Variants in CREG1 observed in about 807,000 individuals in gnomAD.
CREG1 encodes protein CREG1.
In CREG1, 20 loss-of-function variants were observed where a neutral mutation model predicts 19.9. The observed-to-expected ratio is 1.01, with a 90% confidence interval of 0.71 to 1.46. CREG1 has a LOEUF of 1.46. Among genes scored for constraint, CREG1 ranks in the 40% most tolerant of loss-of-function variants. CREG1 has a pLI of 0.00. For missense variants in CREG1, 290 were observed against 314.9 expected, an observed-to-expected ratio of 0.92 and a Z score of 0.60; for synonymous variants, 141 against 143.3, an observed-to-expected ratio of 0.98 and a Z score of 0.12.
At chr1:167,545,825 T>C (rs994482893) in intron 3 of CREG1, among the ~76,000 whole-genome samples, 1 of 151,970 alleles carries the variant, frequency 6.6e-6, no homozygotes, top group Non-Finnish European at 1.5e-5. Context: ...GAAAAAGTAA[T>C]AGACTTATTA....
Position 167,550,508 on chromosome 1 carries a change from G to A in CREG1, c.355-2387C>T, listed in dbSNP as rs558313698. 1.2e-3 allele frequency among the ~76,000 whole-genome samples: 179 copies of A among 152,268 alleles called. 2 individuals carry two copies. Among genetic ancestry groups the A allele is most frequent in the African/African-American group, 3.9e-3 (164 of 41,554 alleles). On this transcript the variant is annotated intron_variant, in intron 1 of 3. Coordinates refer to ENST00000370509, the MANE Select transcript of CREG1 (RefSeq NM_003851.3). The stretch of plus-strand genomic sequence containing the variant: ...AGCTTAAGGATGAGGTGGCAGGAAT[G>A]AAGAGGAAGGGGCAAGGACAGAGGT...
intron 3 of CREG1, among the ~76,000 whole-genome samples, chr1:167,544,598 T>A (rs777568069): frequency 6.6e-5 from 10 of 152,048 alleles, no homozygotes; most frequent in Non-Finnish European, 1.5e-4. Flanking sequence ...AAGTACAGCA[T>A]CATGGATAGA....
chr1:167,552,314 T>C lies in CREG1; in HGVS notation c.354+1074A>G, dbSNP rs1259201759. Among the ~76,000 whole-genome samples, 8 of 152,352 alleles carry C rather than the reference T, an allele frequency of 5.3e-5. No homozygotes were observed. The East Asian group carries it at 1.5e-3, about 29-fold the overall frequency. On this transcript the variant is annotated intron_variant, in intron 1 of 3. Transcript: ENST00000370509. ...ATTAATCAAGCATCAGTTTCTTGCA[T>C]CCTGTCTTTATCAACAATGTTGTAC...
At chr1:167,551,785 G>T (rs767577134) in intron 1 of CREG1, among the ~76,000 whole-genome samples, 2 of 152,170 alleles carry the variant, frequency 1.3e-5, no homozygotes. Context: ...TGCAGTCAAA[G>T]TTGAGCACCA....
chr1:167,546,633 C>T (rs1006881443), intron 2 of CREG1, among the ~76,000 whole-genome samples: 3 of 151,526 alleles, frequency 2.0e-5, no homozygotes, highest in South Asian at 2.1e-4. Flanking sequence ...CAGAGCAAGA[C>T]TCCATCTCAA....
intron 3 of CREG1, among the ~76,000 whole-genome samples, chr1:167,544,829 T>G (rs776143822): frequency 7.2e-4 from 109 of 152,328 alleles, no homozygotes; most frequent in Non-Finnish European, 1.2e-3. Context: ...GTAGCCAGTA[T>G]AGCACCCAGC....
At chr1:167,553,337 G>T in intron 1 of CREG1, 51 bp downstream of exon 1, 1 of 1,286,960 alleles carries the variant, frequency 7.8e-7, no homozygotes, top group East Asian at 3.1e-5. Flanking sequence ...GGCTCGCTCT[G>T]TGGCCGCCCC....
Position 167,546,103 on chromosome 1 carries a change from A to C in CREG1, c.657T>G (p.Val219=), listed in dbSNP as rs1656316580. 1 of 1,598,212 alleles carries C rather than the reference A, an allele frequency of 6.3e-7. No individual in the cohort carries two copies. Among genetic ancestry groups the C allele is most frequent in the East Asian group, 2.2e-5 (1 of 44,526 alleles). The part of the protein sequence containing the change: ...VTPEEYYNVT[V]Q ...GTGAAAGATGTGTAAGTACTTACTGAACTGTGACATTATAATATTCTTCTG... is the reference window on the plus strand; with the variant it reads ...GTGAAAGATGTGTAAGTACTTACTGCACTGTGACATTATAATATTCTTCTG... Residue 219 remains valine (V), a splice_region_variant and synonymous_variant, in exon 3 of 4, where the codon GTT becomes GTG. Transcript: ENST00000370509.
Position 167,546,300 on chromosome 1 carries a change from T to C in CREG1, c.475-15A>G. 3 of 1,513,156 alleles carry C rather than the reference T, an allele frequency of 2.0e-6. No homozygotes were observed. The highest frequency in any genetic ancestry group is 2.7e-6 in the Non-Finnish European group (3 of 1,108,784). The allele number at this position is 1,513,156 out of a possible 1,614,324, so 93.7% of individuals were successfully genotyped here. A position where few individuals can be genotyped will look rare whatever the true frequency, so the allele number is the denominator to read the frequency against. On this transcript the variant is annotated splice_polypyrimidine_tract_variant and intron_variant, in intron 2 of 3. Coordinates refer to ENST00000370509, the MANE Select transcript of CREG1 (RefSeq NM_003851.3). ...GTTTCATTCACCTAAAGGACATATA[T>C]GAAATAAACATTCTTATGGCAGTAA...
chr1:167,546,442 G>C (rs1656326896), intron 2 of CREG1, among the ~76,000 whole-genome samples, 157 bp from the exon 3 acceptor site: 1 of 152,028 alleles, frequency 6.6e-6, no homozygotes, highest in Non-Finnish European at 1.5e-5. Flanking sequence ...AGGAGACTCA[G>C]ACCATCTTGG....
At chr1:167,549,088 C>A (rs1397414412) in intron 1 of CREG1, among the ~76,000 whole-genome samples, 1 of 152,062 alleles carries the variant, frequency 6.6e-6, no homozygotes, top group Non-Finnish European at 1.5e-5. Flanking sequence ...GGTGGGAGGA[C>A]ATATTAAAGG....
chr1:167,543,048 C>A (rs1480858685), intron 3 of CREG1, among the ~76,000 whole-genome samples: 2 of 152,092 alleles, frequency 1.3e-5, no homozygotes, highest in Non-Finnish European at 2.9e-5. Context: ...GAGATTGAGA[C>A]CATCCTGGCT....
chr1:167,544,307 T>C (rs1210950028), intron 3 of CREG1, among the ~76,000 whole-genome samples: 1 of 151,968 alleles, frequency 6.6e-6, no homozygotes, highest in African/African-American at 2.4e-5. Context: ...TCCTAGGCCC[T>C]GCTTGGAATT....
chr1:167,553,657 C>G lies in CREG1; in HGVS notation c.85G>C (p.Ala29Pro). 7.5e-7 allele frequency: 1 copy of G among 1,337,832 alleles called. No individual in the cohort carries two copies. Among genetic ancestry groups the G allele is most frequent in the Non-Finnish European group, 9.5e-7 (1 of 1,049,550 alleles). The allele number at this position is 1,337,832 out of a possible 1,614,324, so 82.9% of individuals were successfully genotyped here. The change falls in exon 1 of 4, where the codon GCG becomes CCG. Residue 29 changes from alanine to proline, a missense_variant. Ala to Pro is a conservative substitution (Grantham distance 27). Coordinates refer to ENST00000370509, the MANE Select transcript of CREG1 (RefSeq NM_003851.3). The stretch of plus-strand genomic sequence containing the variant: ...TGGTCCCGGCCGCCGCGACCCCGCG[C>G]GGGCGACACGAGCAGCGCCAACAGC... ...STLLALLVSP[A>P]RGRGGRDHGD...
intron 3 of CREG1, among the ~76,000 whole-genome samples, chr1:167,545,056 C>T (rs142704618): frequency 1.3e-5 from 2 of 152,262 alleles, no homozygotes; most frequent in African/African-American, 2.4e-5. Flanking sequence ...CCTCTTTTAT[C>T]TCAGCCTCCT....
Position 167,542,097 on chromosome 1 carries a change from T to C in CREG1, c.*201A>G, listed in dbSNP as rs1656237134. 8 of 479,702 alleles carry C rather than the reference T, an allele frequency of 1.7e-5. No homozygotes were observed. Among genetic ancestry groups the C allele is most frequent in the Admixed American group, 6.7e-5 (2 of 29,766 alleles). The allele number at this position is 479,702 out of a possible 1,614,324, so 29.7% of individuals were successfully genotyped here. On this transcript the variant is annotated 3_prime_UTR_variant, in exon 4 of 4. Coordinates refer to ENST00000370509, the MANE Select transcript of CREG1 (RefSeq NM_003851.3). Reference sequence around the variant, plus strand: ...GGCTTCAAAATAGGAAAAAAGTAGCTACCACATCTTCCAGGAAATCCAATA... The same window carrying C: ...GGCTTCAAAATAGGAAAAAAGTAGCCACCACATCTTCCAGGAAATCCAATA...
chr1:167,553,668 A>G lies in CREG1; in HGVS notation c.74T>C (p.Leu25Pro). 7.5e-7 allele frequency: 1 copy of G among 1,341,188 alleles called. No individual in the cohort carries two copies. The highest frequency in any genetic ancestry group is 2.8e-4 in the Middle Eastern group (1 of 3,600). The allele number at this position is 1,341,188 out of a possible 1,614,324, so 83.1% of individuals were successfully genotyped here. The change falls in exon 1 of 4, where the codon CTC (leucine) becomes CCC (proline). Residue 25 changes from leucine (L) to proline (P), a missense_variant. Coordinates refer to ENST00000370509, the MANE Select transcript of CREG1 (RefSeq NM_003851.3). ...ALLASTLLAL[L>P]VSPARGRGGR... Reference sequence around the variant, plus strand: ...GCCGCGACCCCGCGCGGGCGACACGAGCAGCGCCAACAGCGTCGACGCCAG... The same window carrying G: ...GCCGCGACCCCGCGCGGGCGACACGGGCAGCGCCAACAGCGTCGACGCCAG...
At chr1:167,553,347 C>A (rs1488607643) in intron 1 of CREG1, 41 bp downstream of exon 1, 2 of 1,315,708 alleles carry the variant, frequency 1.5e-6, no homozygotes, top group East Asian at 3.1e-5. Flanking sequence ...GTGGCCGCCC[C>A]GCCCACAGCC....
In CREG1 at chr1:167,546,128, G is replaced by C. The variant is rs1244105716; in HGVS notation, c.632C>G (p.Pro211Arg). Residue 211 changes from proline (P) to arginine (R), a missense_variant, in exon 3 of 4, where the codon CCA becomes CGA. Coordinates refer to ENST00000370509, the MANE Select transcript of CREG1 (RefSeq NM_003851.3). ...AACTGTGACATTATAATATTCTTCT[G>C]GTGTCACGATTTTTGGTCCACCAAA... Reference protein sequence around the residue: ...DYFGGPKIVTPEEYYNVTVQ With the variant: ...DYFGGPKIVTREEYYNVTVQ 4 of 1,608,162 alleles carry C rather than the reference G, an allele frequency of 2.5e-6. No individual in the cohort carries two copies. Among genetic ancestry groups the C allele is most frequent in the Non-Finnish European group, 3.4e-6 (4 of 1,177,956 alleles).
Sources: allele counts gnomAD v4.1 joint callset (sites outside exome capture counted in the v4.1 genomes callset), GRCh38; gene constraint gnomAD v4.1.1; transcripts MANE v1.5; gene names NCBI Gene and HGNC (gene_info 2026-07-23, HGNC 2026-07-21).